DPYD: variants seen among roughly 807,000 people sequenced by gnomAD.
The protein encoded by DPYD is dihydropyrimidine dehydrogenase [NADP(+)].
Under a neutral mutation model 116.2 loss-of-function variants are expected in DPYD, and 109 were observed. That is an observed-to-expected ratio of 0.94 (90% CI 0.80 to 1.10). DPYD has a LOEUF of 1.10. DPYD is among the 50% of genes least tolerant of loss of function. The pLI is 0.00. For synonymous variants in DPYD, 440 were observed against 432.0 expected (o/e 1.02, Z -0.23); for missense variants, 1,302 against 1,254.5 (o/e 1.04, Z -0.57).
At chr1:97,234,716 C>A in intron 19 of DPYD, 136 bp downstream of exon 19, 1 of 1,064,472 alleles carries the variant, frequency 9.4e-7, no homozygotes. Context: ...GAACTTAATA[C>A]ATGCTGCCAT....
At chr1:97,445,834 T>G (rs1239129075) in intron 14 of DPYD, among the ~76,000 whole-genome samples, 1 of 151,866 alleles carries the variant, frequency 6.6e-6, no homozygotes, top group Non-Finnish European at 1.5e-5. Flanking sequence ...CAAGCAGTTC[T>G]CCTGCCTCAG....
rs550714198 is a variant in DPYD at position 97,903,243 on chromosome 1, A to G, written c.39+17641T>C. Among the ~76,000 whole-genome samples, 5 of 152,034 alleles carry G rather than the reference A, an allele frequency of 3.3e-5. No individual in the cohort carries two copies. In the South Asian group the frequency reaches 6.2e-4, roughly 19 times the overall value. On this transcript the variant is annotated intron_variant, in intron 1 of 22. Coordinates refer to ENST00000370192, the MANE Select transcript of DPYD (RefSeq NM_000110.4). ...AACTAGAAACAATCTATATTTAACA[A>G]TATCACAAAGAATGAAATAGCTCCG...
intron 16 of DPYD, among the ~76,000 whole-genome samples, chr1:97,339,464 C>T (rs574051017): frequency 3.9e-5 from 6 of 152,106 alleles, no homozygotes; most frequent in African/African-American, 1.4e-4. Flanking sequence ...AAAGATTATG[C>T]GACTATGTTA....
intron 20 of DPYD, among the ~76,000 whole-genome samples, chr1:97,127,403 G>A (rs1425885659): frequency 6.6e-6 from 1 of 152,110 alleles, no homozygotes; most frequent in Non-Finnish European, 1.5e-5. Context: ...AAGCTTCTGT[G>A]CAGAGTTGTA....
At chr1:97,889,466 C>T (rs1672665856) in intron 1 of DPYD, among the ~76,000 whole-genome samples, 1 of 151,890 alleles carries the variant, frequency 6.6e-6, no homozygotes, top group Non-Finnish European at 1.5e-5. Context: ...AGCTGCAGTG[C>T]CCATACTAAT....
chr1:97,722,999 C>T (rs1402132416), intron 4 of DPYD, among the ~76,000 whole-genome samples: 1 of 151,218 alleles, frequency 6.6e-6, no homozygotes, highest in Non-Finnish European at 1.5e-5. Context: ...TTAAAAATAA[C>T]CTTGACGAAA....
chr1:97,538,792 T>C (rs1264058409), intron 12 of DPYD, among the ~76,000 whole-genome samples: 1 of 152,200 alleles, frequency 6.6e-6, no homozygotes, highest in East Asian at 1.9e-4. Context: ...TTAAGGAATG[T>C]ATTTTAGATT....
intron 20 of DPYD, among the ~76,000 whole-genome samples, chr1:97,122,297 T>C (rs539721034): frequency 3.8e-4 from 58 of 152,260 alleles, no homozygotes; most frequent in African/African-American, 1.3e-3. Flanking sequence ...GGAGACAGAC[T>C]TCATTCAGAA....
intron 12 of DPYD, among the ~76,000 whole-genome samples, chr1:97,541,154 T>C (rs1440415250): frequency 1.3e-5 from 2 of 152,158 alleles, no homozygotes; most frequent in Admixed American, 6.5e-5. Flanking sequence ...TACCCCTGTA[T>C]ACCTACGAAA....
rs1037844496 is a variant in DPYD at position 97,260,658 on chromosome 1, C to G, written c.2300-25664G>C. On this transcript the variant is annotated intron_variant, in intron 18 of 22. Coordinates refer to ENST00000370192, the MANE Select transcript of DPYD (RefSeq NM_000110.4). ...TATTGAATGTGTGGTTTAGTAGAAA[C>G]AAACAAAAAACACTCAAATACAAAA... Among the ~76,000 whole-genome samples, 3 of 151,986 alleles carry G rather than the reference C, an allele frequency of 2.0e-5. No individual in the cohort carries two copies. In the East Asian group the frequency reaches 5.8e-4, roughly 29 times the overall value.
chr1:97,260,363 A>T (rs774171356), intron 18 of DPYD, among the ~76,000 whole-genome samples: 5 of 152,084 alleles, frequency 3.3e-5, no homozygotes, highest in Non-Finnish European at 5.9e-5. Context: ...AATGAAACTT[A>T]TATGATAGTA....
At chr1:97,868,726 A>C (rs1671515272) in intron 2 of DPYD, among the ~76,000 whole-genome samples, 1 of 151,780 alleles carries the variant, frequency 6.6e-6, no homozygotes. Flanking sequence ...CAGTTTGGGC[A>C]TGTGTCTCTG....
intron 8 of DPYD, among the ~76,000 whole-genome samples, chr1:97,617,162 T>C (rs1656336435): frequency 6.6e-6 from 1 of 152,160 alleles, no homozygotes; most frequent in South Asian, 2.1e-4. Flanking sequence ...AGATGGGGCA[T>C]AAGTATGAAG....
At chr1:97,799,828 A>G (rs901464650) in intron 3 of DPYD, among the ~76,000 whole-genome samples, 46 of 152,108 alleles carry the variant, frequency 3.0e-4, no homozygotes, top group Non-Finnish European at 4.9e-4. Context: ...GCAGGGGGAA[A>G]GAAAGTTCAC....
chr1:97,246,291 T>A (rs1318450254), intron 18 of DPYD, among the ~76,000 whole-genome samples: 1 of 152,150 alleles, frequency 6.6e-6, no homozygotes, highest in Non-Finnish European at 1.5e-5. Context: ...GAGATGTCTC[T>A]TCTCAGCAAG....
intron 16 of DPYD, among the ~76,000 whole-genome samples, chr1:97,333,081 CAG>C (rs1270688182): frequency 1.0e-4 from 13 of 128,490 alleles, no homozygotes; most frequent in Admixed American, 9.7e-4. Context: ...TTTTTTCAGA[CAG>C]AGTCTTGCTC....
At chr1:97,823,178 G>A (rs779240425) in intron 3 of DPYD, among the ~76,000 whole-genome samples, 12 of 151,232 alleles carry the variant, frequency 7.9e-5, no homozygotes, top group Non-Finnish European at 1.3e-4. Flanking sequence ...TTTTTGAGAC[G>A]GAGTCTCACT....
intron 16 of DPYD, among the ~76,000 whole-genome samples, chr1:97,347,122 C>T (rs981231309): frequency 5.9e-5 from 9 of 151,568 alleles, no homozygotes; most frequent in African/African-American, 1.9e-4. Context: ...ATTTTTCAAG[C>T]CTTACTGTAT....
Position 97,463,947 on chromosome 1 carries a change from T to A in DPYD, c.1741-13724A>T, listed in dbSNP as rs1377709938. Among the ~76,000 whole-genome samples the A allele has an allele frequency of 2.0e-5, 3 of 151,926 alleles. No individual in the cohort carries two copies. The East Asian group carries it at 5.8e-4, about 29-fold the overall frequency. On this transcript the variant is annotated intron_variant, in intron 13 of 22. Transcript: ENST00000370192. The stretch of plus-strand genomic sequence containing the variant: ...AAACAGAGCATAAAAGCTTAGAAAA[T>A]TTTCAACCTAGCTGGGCATGGTGGC...
Sources: allele counts gnomAD v4.1 joint callset (sites outside exome capture counted in the v4.1 genomes callset), GRCh38; gene constraint gnomAD v4.1.1; transcripts MANE v1.5; gene names NCBI Gene and HGNC (gene_info 2026-07-23, HGNC 2026-07-21).